Variants in RB1 observed in about 807,000 individuals in gnomAD.
The protein encoded by RB1 is retinoblastoma-associated protein.
A neutral mutation model predicts 135.4 loss-of-function variants in RB1; 18 were observed. The observed-to-expected ratio is 0.13, with a 90% CI of 0.09 to 0.20. RB1 has a LOEUF of 0.20. Ranked by LOEUF, RB1 falls within the 10% of genes least tolerant of loss-of-function variation. The probability of loss-of-function intolerance (pLI) is 1.00; values close to 1 mark genes in which losing one functional copy is unlikely to be tolerated. For synonymous variants in RB1, 365 were observed against 373.2 expected (o/e 0.98, Z 0.25); for missense variants, 868 against 1,110.0 (o/e 0.78, Z 3.10).
Position 48,441,397 on chromosome 13 carries a change from T to G in RB1, c.1696-11596T>G, listed in dbSNP as rs183796267. On this transcript the variant is annotated intron_variant, in intron 17 of 26. Coordinates refer to ENST00000267163, the MANE Select transcript of RB1 (RefSeq NM_000321.3). Reference sequence around the variant, plus strand: ...TGATTTTAAGGCACTAGGGCAAGAATGACCAACGGGTTTCCAAACATATAG... The same window carrying G: ...TGATTTTAAGGCACTAGGGCAAGAAGGACCAACGGGTTTCCAAACATATAG... Among the ~76,000 whole-genome samples, 511 of 152,328 alleles carry G rather than the reference T, an allele frequency of 3.4e-3. 1 individual carries two copies. The highest frequency in any genetic ancestry group is 6.8e-3 in the Middle Eastern group (2 of 294).
At chr13:48,434,922 A>G (rs184364383) in intron 17 of RB1, among the ~76,000 whole-genome samples, 85 of 152,266 alleles carry the variant, frequency 5.6e-4, no homozygotes, top group Non-Finnish European at 9.9e-4. Flanking sequence ...GCTGACTAGT[A>G]TTTTGTAGCA....
chr13:48,444,861 A>G (rs1337217943), intron 17 of RB1: 1 of 152,254 alleles, frequency 6.6e-6, no homozygotes, highest in Non-Finnish European at 1.5e-5. Flanking sequence ...AAAGGAGGGC[A>G]AGAGAAGGTC....
At chr13:48,347,622 G>A (rs1277447592) in intron 4 of RB1, among the ~76,000 whole-genome samples, 1 of 151,966 alleles carries the variant, frequency 6.6e-6, no homozygotes, top group South Asian at 2.1e-4. Context: ...GACTAATTGA[G>A]AGGATTAACT....
intron 1 of RB1, among the ~76,000 whole-genome samples, chr13:48,305,684 G>A (rs1045777423): frequency 1.3e-4 from 20 of 152,166 alleles, no homozygotes; most frequent in Admixed American, 1.2e-3. Flanking sequence ...ACAAGATACA[G>A]TCTGTTCTTG....
intron 17 of RB1, among the ~76,000 whole-genome samples, chr13:48,432,634 T>A (rs1402625441): frequency 1.3e-5 from 2 of 152,206 alleles, no homozygotes; most frequent in Middle Eastern, 3.2e-3. Context: ...GAGACTGAAC[T>A]TTCTTCTCCT....
chr13:48,381,475 C>T (rs1948535831), intron 17 of RB1, 32 bp downstream of exon 17: 15 of 1,596,924 alleles, frequency 9.4e-6, no homozygotes, highest in Non-Finnish European at 1.3e-5. Context: ...GAAATTCATT[C>T]ATGTGCATAT....
rs1952304773 is a variant in RB1, at chr13:48,328,286, T to G, written c.265-14313T>G. The G allele has an allele frequency of 3.1e-6, 5 of 1,589,410 alleles. No homozygotes were observed. The Admixed American group carries it at 8.4e-5, about 27-fold the overall frequency. On this transcript the variant is annotated intron_variant, in intron 2 of 26. Coordinates refer to ENST00000267163, the MANE Select transcript of RB1 (RefSeq NM_000321.3). Reference sequence around the variant, plus strand: ...TATCTTCATCTTCATTAAAAGCTGCTGCTACTGAAAGAGTTTTTGGAGCAA... The same window carrying G: ...TATCTTCATCTTCATTAAAAGCTGCGGCTACTGAAAGAGTTTTTGGAGCAA...
chr13:48,328,476 G>T, intron 2 of RB1: 1 of 883,686 alleles, frequency 1.1e-6, no homozygotes, highest in Non-Finnish European at 1.9e-6. Flanking sequence ...TCAGCGCTGC[G>T]GCTGGAACTT....
intron 17 of RB1, among the ~76,000 whole-genome samples, chr13:48,422,017 G>T (rs139547958): frequency 0.01 from 1,528 of 152,218 alleles, 37 homozygotes; most frequent in African/African-American, 0.035. Context: ...CCATTACTGG[G>T]TATATACCCA....
chr13:48,319,882 C>A lies in RB1; in HGVS notation c.264+12476C>A. On this transcript the variant is annotated intron_variant, in intron 2 of 26. Transcript: ENST00000267163. This position sits in a 1 kb window ranked among gnomAD's most constrained non-coding sequence, Gnocchi z 5.0. Reference sequence around the variant, plus strand: ...GGCAGAACCCTAGTCCTCACTGGATCTCACCTGGCTGCCAGGGCCACCACC... The same window carrying A: ...GGCAGAACCCTAGTCCTCACTGGATATCACCTGGCTGCCAGGGCCACCACC... 1 of 333,680 alleles carries A rather than the reference C, an allele frequency of 3.0e-6. No homozygotes were observed. The highest frequency in any genetic ancestry group is 3.6e-5 in the South Asian group (1 of 27,808). The allele number at this position is 333,680 out of a possible 1,614,324, so 20.7% of individuals were successfully genotyped here.
intron 12 of RB1, among the ~76,000 whole-genome samples, chr13:48,374,868 C>T (rs974774088): frequency 6.6e-6 from 1 of 151,902 alleles, no homozygotes; most frequent in African/African-American, 2.4e-5. Context: ...TCTTCCTTCC[C>T]TCCTCCCTCT....
chr13:48,391,210 A>G (rs1230472254), intron 17 of RB1, among the ~76,000 whole-genome samples: 3 of 152,228 alleles, frequency 2.0e-5, no homozygotes, highest in African/African-American at 4.8e-5. Flanking sequence ...CACATACAGT[A>G]TAAGAATCTT....
intron 2 of RB1, among the ~76,000 whole-genome samples, chr13:48,334,958 A>G (rs777512061): frequency 6.6e-6 from 1 of 152,152 alleles, no homozygotes; most frequent in African/African-American, 2.4e-5. Flanking sequence ...CTTTATGTAA[A>G]TGTAGCACTT....
chr13:48,322,413 T>C (rs1952250176), intron 2 of RB1, among the ~76,000 whole-genome samples: 1 of 152,252 alleles, frequency 6.6e-6, no homozygotes. Context: ...ATTTATTAGC[T>C]TCAATAGTTT....
At chr13:48,476,459 G>A in intron 24 of RB1, 1 of 458,408 alleles carries the variant, frequency 2.2e-6, no homozygotes, top group Non-Finnish European at 4.0e-6. Context: ...GGAAGAATGT[G>A]AGCTGCATGG....
intron 26 of RB1, 118 bp from the exon 27 acceptor site, chr13:48,479,880 C>T (rs1015989647): frequency 1.3e-6 from 1 of 757,226 alleles, no homozygotes; most frequent in Non-Finnish European, 2.4e-6. Flanking sequence ...ATGAAGACCA[C>T]TGCTTTTGCA....
At chr13:48,332,650 A>C (rs189205906) in intron 2 of RB1, among the ~76,000 whole-genome samples, 1 of 152,324 alleles carries the variant, frequency 6.6e-6, no homozygotes, top group Admixed American at 6.5e-5. Context: ...TATAGTTAAT[A>C]ATAATGTTTT....
chr13:48,367,746 T>G, intron 10 of RB1, 143 bp downstream of exon 10: 1 of 951,274 alleles, frequency 1.1e-6, no homozygotes, highest in Non-Finnish European at 1.5e-6. Flanking sequence ...AAAGAAAAGT[T>G]TAACAGTATT....
At chr13:48,425,198 C>T (rs1949062523) in intron 17 of RB1, among the ~76,000 whole-genome samples, 1 of 152,198 alleles carries the variant, frequency 6.6e-6, no homozygotes, top group African/African-American at 2.4e-5. Context: ...GAAGGCTAGC[C>T]TTTACAGTTG....
Sources: allele counts gnomAD v4.1 joint callset (sites outside exome capture counted in the v4.1 genomes callset), GRCh38; gene constraint gnomAD v4.1.1; non-coding constraint Gnocchi (gnomAD v3.1); transcripts MANE v1.5; gene names NCBI Gene and HGNC (gene_info 2026-07-23, HGNC 2026-07-21).